The following SMIM14 variants were observed in gnomAD, a reference collection of about 807,000 sequenced individuals.
SMIM14 encodes small integral membrane protein 14, also known as chromosome 4 open reading frame 34.
A neutral mutation model predicts 12.6 loss-of-function variants in SMIM14; 5 were observed. The observed-to-expected ratio is 0.40, with a 90% CI of 0.21 to 0.83. The LOEUF is 0.83. SMIM14 is among the 40% of genes least tolerant of loss of function. The probability of loss-of-function intolerance (pLI) is 0.37; values close to 1 mark genes in which losing one functional copy is unlikely to be tolerated. For synonymous variants in SMIM14, 30 were observed against 40.1 expected (o/e 0.75, Z 0.95); for missense variants, 86 against 119.1 (o/e 0.72, Z 1.29).
At chr4:39,608,566 A>T (rs149707982) in intron 1 of SMIM14, among the ~76,000 whole-genome samples, 1 of 152,244 alleles carries the variant, frequency 6.6e-6, no homozygotes, top group Admixed American at 6.5e-5. Context: ...CTATGATTCC[A>T]TTTATATGAA....
chr4:39,621,218 G>A (rs1200605883), intron 1 of SMIM14: 2 of 151,962 alleles, frequency 1.3e-5, no homozygotes, highest in South Asian at 2.1e-4. Flanking sequence ...ATCCATTAAA[G>A]TACAGAGAGA....
At chr4:39,626,666 G>C (rs1251591392) in intron 1 of SMIM14, among the ~76,000 whole-genome samples, 2 of 152,218 alleles carry the variant, frequency 1.3e-5, no homozygotes, top group African/African-American at 4.8e-5. Context: ...CATACCAATA[G>C]ATAATTAACA....
At chr4:39,636,238 G>A (rs1464756783) in intron 1 of SMIM14, among the ~76,000 whole-genome samples, 1 of 148,760 alleles carries the variant, frequency 6.7e-6, no homozygotes, top group Non-Finnish European at 1.5e-5. Flanking sequence ...GGACCTTACT[G>A]CCTGGGGCCT....
chr4:39,605,338 T>A (rs1714766308), intron 1 of SMIM14, among the ~76,000 whole-genome samples, 158 bp from the exon 2 acceptor site: 1 of 152,192 alleles, frequency 6.6e-6, no homozygotes, highest in African/African-American at 2.4e-5. Flanking sequence ...ATTAATCTTA[T>A]ATGAATTATG....
In SMIM14 at chr4:39,546,657, A is replaced by G. The variant is rs1747358962; in HGVS notation, c.*5469T>C. 6.6e-6 allele frequency: 1 copy of G among 152,256 alleles called. No homozygotes were observed. Among genetic ancestry groups the G allele is most frequent in the South Asian group, 2.1e-4 (1 of 4,834 alleles). 9.4% of individuals were successfully genotyped at this position (152,256 alleles called of 1,614,324 possible). On this transcript the variant is annotated 3_prime_UTR_variant, in exon 5 of 5. Transcript: ENST00000295958. ...AGCAGAGTCATTTAATGAAAACTTA[A>G]CAGTTTCACTGAGGATTCAGATATC...
chr4:39,608,650 G>T (rs145520593), intron 1 of SMIM14, among the ~76,000 whole-genome samples: 38 of 152,302 alleles, frequency 2.5e-4, no homozygotes, highest in African/African-American at 8.9e-4. Context: ...AGGGAAGAAA[G>T]GAATGGGAAG....
At chr4:39,585,029 T>G (rs1480585051) in intron 2 of SMIM14, among the ~76,000 whole-genome samples, 3 of 151,852 alleles carry the variant, frequency 2.0e-5, no homozygotes, top group African/African-American at 7.3e-5. Flanking sequence ...TGATGCAATT[T>G]ACTGTCATTA....
intron 3 of SMIM14, among the ~76,000 whole-genome samples, chr4:39,560,564 A>C (rs1263964209): frequency 6.7e-6 from 1 of 149,772 alleles, no homozygotes; most frequent in Non-Finnish European, 1.5e-5. Flanking sequence ...AGGTCAAGAG[A>C]TCACCCGTGA....
At chr4:39,613,795 G>A (rs191095445) in intron 1 of SMIM14, among the ~76,000 whole-genome samples, 3 of 152,148 alleles carry the variant, frequency 2.0e-5, no homozygotes, top group East Asian at 1.9e-4. Flanking sequence ...AAGTCACGGG[G>A]GGCTTGATCC....
Position 39,570,854 on chromosome 4 carries a change from T to G in SMIM14, c.124+1561A>C, listed in dbSNP as rs545098419. ...TAGTAAGACAAATATATGTTGATAT[T>G]TTATAAGTAGTGAAAAATAACATAT... On this transcript the variant is annotated intron_variant, in intron 3 of 4. Coordinates refer to ENST00000295958, the MANE Select transcript of SMIM14 (RefSeq NM_174921.3). Among the ~76,000 whole-genome samples, 13 of 152,196 alleles carry G rather than the reference T, an allele frequency of 8.5e-5. No individual in the cohort carries two copies. The South Asian group carries it at 2.7e-3, about 32-fold the overall frequency.
intron 1 of SMIM14, among the ~76,000 whole-genome samples, chr4:39,634,836 G>A (rs1560313302): frequency 6.7e-5 from 10 of 149,626 alleles, no homozygotes. Context: ...TTTTCCATGG[G>A]AAAAAAAAAT....
intron 2 of SMIM14, among the ~76,000 whole-genome samples, chr4:39,574,105 C>A (rs983119514): frequency 5.3e-5 from 8 of 152,230 alleles, no homozygotes; most frequent in African/African-American, 1.7e-4. Context: ...ACTAACTACA[C>A]CCTCTCCATT....
At chr4:39,570,589 G>A (rs1490412049) in intron 3 of SMIM14, among the ~76,000 whole-genome samples, 2 of 152,138 alleles carry the variant, frequency 1.3e-5, no homozygotes, top group Admixed American at 1.3e-4. Context: ...AAATATATCA[G>A]CAACCTAAGG....
At chr4:39,625,750 A>C (rs906680329) in intron 1 of SMIM14, among the ~76,000 whole-genome samples, 2 of 152,182 alleles carry the variant, frequency 1.3e-5, no homozygotes, top group African/African-American at 4.8e-5. Context: ...AATTCTTATA[A>C]TTTTACAAGA....
chr4:39,591,819 G>T, intron 2 of SMIM14, among the ~76,000 whole-genome samples: 1 of 152,286 alleles, frequency 6.6e-6, no homozygotes, highest in South Asian at 2.1e-4. Flanking sequence ...GCCTGCCTCA[G>T]CCTCCCAAAG....
In SMIM14 at chr4:39,550,521, A is replaced by C. The variant is rs1256722740; in HGVS notation, c.*1605T>G. 1 of 152,290 alleles carries C rather than the reference A, an allele frequency of 6.6e-6. No individual in the cohort carries two copies. The highest frequency in any genetic ancestry group is 1.5e-5 in the Non-Finnish European group (1 of 68,098). The allele number at this position is 152,290 out of a possible 1,614,324, so 9.4% of individuals were successfully genotyped here. A position where few individuals can be genotyped will look rare whatever the true frequency, so the allele number is the denominator to read the frequency against. On this transcript the variant is annotated 3_prime_UTR_variant, in exon 5 of 5. Coordinates refer to ENST00000295958, the MANE Select transcript of SMIM14 (RefSeq NM_174921.3). ...GGTCTCGAACTCCTGACCTCAGGTGATTCGCCTGCCTCGGCCTCCCAAAGT... is the reference window on the plus strand; with the variant it reads ...GGTCTCGAACTCCTGACCTCAGGTGCTTCGCCTGCCTCGGCCTCCCAAAGT...
chr4:39,566,375 A>G (rs1325656680), intron 3 of SMIM14, among the ~76,000 whole-genome samples: 1 of 152,122 alleles, frequency 6.6e-6, no homozygotes, highest in African/African-American at 2.4e-5. Context: ...CCCAAAAGAC[A>G]GTCATCAGCA....
chr4:39,634,994 C>T (rs758375260), intron 1 of SMIM14, among the ~76,000 whole-genome samples: 3 of 152,100 alleles, frequency 2.0e-5, no homozygotes, highest in Non-Finnish European at 4.4e-5. Context: ...GGGTAGGAGA[C>T]GGAACATTTT....
At chr4:39,606,442 G>T (rs1300357808) in intron 1 of SMIM14, among the ~76,000 whole-genome samples, 1 of 151,724 alleles carries the variant, frequency 6.6e-6, no homozygotes, top group Admixed American at 6.6e-5. Flanking sequence ...GGAGATAGAG[G>T]CCATCCTGGC....
Sources: allele counts gnomAD v4.1 joint callset (sites outside exome capture counted in the v4.1 genomes callset), GRCh38; gene constraint gnomAD v4.1.1; transcripts MANE v1.5; gene names NCBI Gene and HGNC (gene_info 2026-07-23, HGNC 2026-07-21).